Variants in DNER observed in about 807,000 individuals in gnomAD.
DNER encodes the protein delta and Notch-like epidermal growth factor-related receptor.
A neutral mutation model predicts 78.2 loss-of-function variants in DNER; 33 were observed. The ratio of observed to expected loss-of-function variants is 0.42; its 90% CI spans 0.32 to 0.56. The LOEUF is 0.56. Ranked by LOEUF, DNER falls within the 20% of genes least tolerant of loss-of-function variation. The pLI is 0.11. For synonymous variants in DNER, 417 were observed against 384.8 expected, an observed-to-expected ratio of 1.08 and a Z score of -0.98; for missense variants, 918 against 975.3, an observed-to-expected ratio of 0.94 and a Z score of 0.78.
chr2:229,476,741 G>A (rs1365518769), intron 7 of DNER, among the ~76,000 whole-genome samples: 2 of 151,996 alleles, frequency 1.3e-5, no homozygotes, highest in East Asian at 1.9e-4. Flanking sequence ...TTTTTCAGGT[G>A]ACTTGAATTT....
chr2:229,608,492 T>A (rs1484807827), intron 1 of DNER, among the ~76,000 whole-genome samples: 1 of 152,186 alleles, frequency 6.6e-6, no homozygotes, highest in Non-Finnish European at 1.5e-5. Context: ...ATAAGACTCA[T>A]AAAAGGTGAA....
intron 4 of DNER, among the ~76,000 whole-genome samples, chr2:229,576,381 T>G (rs1271777567): frequency 6.8e-6 from 1 of 146,036 alleles, no homozygotes; most frequent in Non-Finnish European, 1.5e-5. Context: ...TTTAATATAA[T>G]AAAAAGGGGG....
intron 1 of DNER, among the ~76,000 whole-genome samples, chr2:229,664,327 A>C (rs1699055321): frequency 6.7e-6 from 1 of 149,614 alleles, no homozygotes; most frequent in Non-Finnish European, 1.5e-5. Context: ...GGTAAGATGC[A>C]AGCACCATCC....
chr2:229,495,668 T>C (rs796309739), intron 6 of DNER, among the ~76,000 whole-genome samples: 55 of 152,320 alleles, frequency 3.6e-4, no homozygotes, highest in African/African-American at 1.0e-3. Flanking sequence ...CCAATTCAAA[T>C]GTTAAACTTA....
chr2:229,642,628 G>A (rs1698646803), intron 1 of DNER, among the ~76,000 whole-genome samples: 1 of 152,200 alleles, frequency 6.6e-6, no homozygotes, highest in African/African-American at 2.4e-5. Context: ...AAGTGGCAGG[G>A]CCTTGAGTGA....
chr2:229,610,314 C>T (rs1255692045), intron 1 of DNER, among the ~76,000 whole-genome samples: 1 of 152,194 alleles, frequency 6.6e-6, no homozygotes, highest in Non-Finnish European at 1.5e-5. Flanking sequence ...CCTCACAGCG[C>T]ATGGACACGG....
chr2:229,633,676 G>A (rs756048265), intron 1 of DNER, among the ~76,000 whole-genome samples: 7 of 152,228 alleles, frequency 4.6e-5, no homozygotes, highest in Non-Finnish European at 1.0e-4. Flanking sequence ...GCAAGCCTGG[G>A]TGAGCATGCC....
rs62190330 is a variant in DNER at position 229,364,160 on chromosome 2, C to T, written c.2102+2713G>A. 1.9e-3 allele frequency among the ~76,000 whole-genome samples: 285 copies of T among 151,664 alleles called. 2 individuals are homozygous for T. The highest frequency in any genetic ancestry group is 0.01 in the Middle Eastern group (3 of 294). Reference sequence around the variant, plus strand: ...TTACAGGTGTGAGCCACATGCCTGGCCTCCTCTGCTCCTTTTTAAGTTCTT... The same window carrying T: ...TTACAGGTGTGAGCCACATGCCTGGTCTCCTCTGCTCCTTTTTAAGTTCTT... On this transcript the variant is annotated intron_variant, in intron 12 of 12. Transcript: ENST00000341772.
chr2:229,652,138 C>A (rs1299530635), intron 1 of DNER, among the ~76,000 whole-genome samples: 1 of 152,150 alleles, frequency 6.6e-6, no homozygotes, highest in East Asian at 1.9e-4. Flanking sequence ...GGAGCCCTGC[C>A]CCCTGCAGTC....
At chr2:229,555,561 G>T (rs1301765548) in intron 4 of DNER, among the ~76,000 whole-genome samples, 1 of 151,136 alleles carries the variant, frequency 6.6e-6, no homozygotes, top group African/African-American at 2.4e-5. Context: ...ACCTCTTCCT[G>T]ATCATTTTGT....
intron 4 of DNER, among the ~76,000 whole-genome samples, chr2:229,557,292 CT>C (rs1696870235): frequency 6.6e-6 from 1 of 152,230 alleles, no homozygotes; most frequent in African/African-American, 2.4e-5. Context: ...CACATGCTCA[CT>C]TTTTCTCTTC....
chr2:229,657,664 G>A (rs1330018247), intron 1 of DNER, among the ~76,000 whole-genome samples: 1 of 152,166 alleles, frequency 6.6e-6, no homozygotes, highest in African/African-American at 2.4e-5. Context: ...AAGATGATAC[G>A]TAAGGCCTAA....
intron 8 of DNER, among the ~76,000 whole-genome samples, chr2:229,420,033 T>C (rs1300769513): frequency 6.6e-6 from 1 of 151,268 alleles, no homozygotes; most frequent in Non-Finnish European, 1.5e-5. Context: ...TACAGCCAGG[T>C]TGAGAAACTC....
chr2:229,388,477 A>G, intron 10 of DNER, 81 bp from the exon 11 acceptor site: 1 of 1,500,782 alleles, frequency 6.7e-7, no homozygotes, highest in South Asian at 1.4e-5. Context: ...ATAAAGATCC[A>G]AGGCTAGGGG....
intron 5 of DNER, among the ~76,000 whole-genome samples, chr2:229,537,863 C>T (rs1217315526): frequency 6.6e-6 from 1 of 152,072 alleles, no homozygotes; most frequent in Non-Finnish European, 1.5e-5. Flanking sequence ...CCCACTAACT[C>T]GTCATCTAGC....
chr2:229,384,359 G>A (rs896217379), intron 11 of DNER, among the ~76,000 whole-genome samples: 8 of 152,048 alleles, frequency 5.3e-5, no homozygotes, highest in Non-Finnish European at 8.8e-5. Context: ...AACTAGAGAA[G>A]CAAGAGCAAA....
At chr2:229,385,147 T>C (rs1257082622) in intron 11 of DNER, among the ~76,000 whole-genome samples, 1 of 149,094 alleles carries the variant, frequency 6.7e-6, no homozygotes, top group Admixed American at 6.7e-5. Context: ...GTTGGCTTCA[T>C]CCCTAGGATG....
intron 7 of DNER, among the ~76,000 whole-genome samples, chr2:229,459,893 C>T (rs934759086): frequency 5.3e-5 from 8 of 151,666 alleles, no homozygotes; most frequent in African/African-American, 1.7e-4. Context: ...CACGGTGGCT[C>T]ACGCCTGTAA....
Position 229,407,242 on chromosome 2 carries a change from G to A in DNER, c.1713C>T (p.Pro571=), listed in dbSNP as rs573862484. ...DGLNGTCICA[P]GFTGEECDID... ...CCTGGAATCACTTGCCTGTAAACCC[G>A]GGTGCACAGATGCACGTGCCATTCA... The change falls in exon 10 of 13, where the codon CCC becomes CCT. Residue 571 remains proline (P), a synonymous_variant. Transcript: ENST00000341772. 16 of 1,611,040 alleles carry A rather than the reference G, an allele frequency of 9.9e-6. No homozygotes were observed. The highest frequency in any genetic ancestry group is 4.0e-5 in the African/African-American group (3 of 74,932).
Sources: allele counts gnomAD v4.1 joint callset (sites outside exome capture counted in the v4.1 genomes callset), GRCh38; gene constraint gnomAD v4.1.1; transcripts MANE v1.5; gene names NCBI Gene and HGNC (gene_info 2026-07-23, HGNC 2026-07-21).